TEK: variants seen among roughly 807,000 people sequenced by gnomAD.
The protein encoded by TEK is TEK receptor tyrosine kinase.
Under a neutral mutation model 131.8 loss-of-function variants are expected in TEK, and 43 were observed. The observed-to-expected ratio is 0.33, with a 90% CI of 0.26 to 0.42. The LOEUF is 0.42. Among genes scored for constraint, TEK ranks in the 10% least tolerant of loss-of-function variants. TEK has a pLI of 1.00. For missense variants in TEK, 1,162 were observed against 1,384.4 expected, an observed-to-expected ratio of 0.84 and a Z score of 2.55; for synonymous variants, 580 against 491.6, an observed-to-expected ratio of 1.18 and a Z score of -2.38.
In TEK at chr9:27,192,488, G is replaced by A. The variant is rs1380793724; in HGVS notation, c.1490-1G>A. 4 of 1,613,870 alleles carry A rather than the reference G, an allele frequency of 2.5e-6. No individual in the cohort carries two copies. Among genetic ancestry groups the A allele is most frequent in the Admixed American group, 3.3e-5 (2 of 60,002 alleles). On this transcript the variant is annotated splice_acceptor_variant, in intron 10 of 22. Coordinates refer to ENST00000380036, the MANE Select transcript of TEK (RefSeq NM_000459.5). LOFTEE classifies it high-confidence loss of function. ...GTTTCCTGGACGTTTTCTCTTCTCAGTGACAAATGAGATTGTTACACTCAA... is the reference window on the plus strand; with the variant it reads ...GTTTCCTGGACGTTTTCTCTTCTCAATGACAAATGAGATTGTTACACTCAA...
At chr9:27,149,329 A>G (rs1450769968) in intron 1 of TEK, among the ~76,000 whole-genome samples, 1 of 152,220 alleles carries the variant, frequency 6.6e-6, no homozygotes, top group Non-Finnish European at 1.5e-5. Flanking sequence ...ATCCCTAAAC[A>G]TTCCTGAATT....
Position 27,109,262 on chromosome 9 carries a change from G to A in TEK, c.-329G>A. ...AGCAGCAGCAAAAGCAGCAGCAGAA[G>A]CAACAGCAACAGATAAGTGTTTTGA... On this transcript the variant is annotated 5_prime_UTR_variant, in exon 1 of 23. Transcript: ENST00000380036. 1.9e-6 allele frequency: 1 copy of A among 522,706 alleles called. No individual in the cohort carries two copies. Among genetic ancestry groups the A allele is most frequent in the East Asian group, 3.0e-5 (1 of 33,016 alleles). The allele number at this position is 522,706 out of a possible 1,614,324, so 32.4% of individuals were successfully genotyped here.
At chr9:27,163,247 T>C (rs1304736604) in intron 2 of TEK, among the ~76,000 whole-genome samples, 1 of 152,222 alleles carries the variant, frequency 6.6e-6, no homozygotes, top group African/African-American at 2.4e-5. Flanking sequence ...GGCCCGATTC[T>C]AGAAGCCTGG....
chr9:27,197,753 A>G (rs1200631495), intron 12 of TEK, among the ~76,000 whole-genome samples, 154 bp downstream of exon 12: 2 of 152,262 alleles, frequency 1.3e-5, no homozygotes, highest in Non-Finnish European at 2.9e-5. Context: ...TCATTTTAAT[A>G]ACTTGCAATA....
chr9:27,165,321 A>AT (rs1823689581), intron 2 of TEK, among the ~76,000 whole-genome samples: 1 of 152,152 alleles, frequency 6.6e-6, no homozygotes, highest in South Asian at 2.1e-4. Context: ...AACAGCATGA[A>AT]ATGGTCAGAA....
Position 27,229,498 on chromosome 9 carries a change from A to T in TEK, c.*266A>T. On this transcript the variant is annotated 3_prime_UTR_variant, in exon 23 of 23. Coordinates refer to ENST00000380036, the MANE Select transcript of TEK (RefSeq NM_000459.5). The stretch of plus-strand genomic sequence containing the variant: ...ATATGCAATAATATATTTTTTTAAA[A>T]ATGTGGACTTCATAGGAAGGCGTGA... 1 of 488,810 alleles carries T rather than the reference A, an allele frequency of 2.0e-6. No homozygotes were observed. Among genetic ancestry groups the T allele is most frequent in the Non-Finnish European group, 3.7e-6 (1 of 269,868 alleles). 30.3% of individuals were successfully genotyped at this position (488,810 alleles called of 1,614,324 possible). A position where few individuals can be genotyped will look rare whatever the true frequency, so the allele number is the denominator to read the frequency against.
chr9:27,217,604 T>G, intron 18 of TEK, 84 bp from the exon 19 acceptor site: 2 of 1,217,844 alleles, frequency 1.6e-6, no homozygotes, highest in South Asian at 1.2e-5. Context: ...CCAGCAATCA[T>G]TTGTGGAGCC....
intron 8 of TEK, among the ~76,000 whole-genome samples, chr9:27,184,253 T>C (rs1824509489): frequency 6.6e-6 from 1 of 152,212 alleles, no homozygotes; most frequent in Non-Finnish European, 1.5e-5. Flanking sequence ...ATTTTTTGTT[T>C]AAAAGGATCA....
intron 6 of TEK, among the ~76,000 whole-genome samples, chr9:27,175,088 C>T (rs1270799966): frequency 1.0e-4 from 15 of 147,930 alleles, no homozygotes; most frequent in Admixed American, 2.0e-4. Context: ...CTGCACCCAT[C>T]AACTCGTCAT....
intron 11 of TEK, 97 bp from the exon 12 acceptor site, chr9:27,197,218 A>C: frequency 7.3e-7 from 1 of 1,371,508 alleles, no homozygotes; most frequent in African/African-American, 1.4e-5. Context: ...CACCTCCAAC[A>C]CTGGGGATTA....
chr9:27,202,770 A>C, intron 12 of TEK, 50 bp from the exon 13 acceptor site: 23 of 1,544,164 alleles, frequency 1.5e-5, no homozygotes, highest in Non-Finnish European at 1.8e-5. Flanking sequence ...ATAATGATCT[A>C]GGCCATGGTA....
chr9:27,148,808 A>G (rs1367864061), intron 1 of TEK, among the ~76,000 whole-genome samples: 1 of 152,196 alleles, frequency 6.6e-6, no homozygotes, highest in Non-Finnish European at 1.5e-5. Flanking sequence ...TTTATATGTT[A>G]TACATATTAA....
At position 27,185,156 on chromosome 9, in the gene TEK, A is replaced by G. The variant is rs189582414; in HGVS notation, c.1183-329A>G. Among the ~76,000 whole-genome samples, 4 of 152,260 alleles carry G rather than the reference A, an allele frequency of 2.6e-5. No homozygotes were observed. In the East Asian group the frequency reaches 5.8e-4, roughly 22 times the overall value. ...AGTCACTTTGTCCTCCCACGCAGCCATCTCTGTGTTAGATAGGAAAGGAAC... is the reference window on the plus strand; with the variant it reads ...AGTCACTTTGTCCTCCCACGCAGCCGTCTCTGTGTTAGATAGGAAAGGAAC... On this transcript the variant is annotated intron_variant, in intron 8 of 22. Transcript: ENST00000380036.
intron 6 of TEK, among the ~76,000 whole-genome samples, chr9:27,176,421 G>A (rs1001389029): frequency 6.6e-6 from 1 of 152,132 alleles, no homozygotes; most frequent in Non-Finnish European, 1.5e-5. Flanking sequence ...GATATTTTAA[G>A]GTCTTCTGCC....
intron 19 of TEK, among the ~76,000 whole-genome samples, chr9:27,218,140 C>G (rs1036454471): frequency 8.4e-6 from 1 of 118,628 alleles, no homozygotes; most frequent in Admixed American, 8.9e-5. Flanking sequence ...TGGCGGGGGT[C>G]GTCTCTGCTT....
chr9:27,110,656 A>G (rs1181756518), intron 1 of TEK, among the ~76,000 whole-genome samples: 11 of 152,220 alleles, frequency 7.2e-5, no homozygotes, highest in Non-Finnish European at 1.3e-4. Flanking sequence ...AGTATCTGCT[A>G]TATTTTCTAG....
chr9:27,216,688 G>A (rs1177460925), intron 18 of TEK, among the ~76,000 whole-genome samples: 1 of 152,168 alleles, frequency 6.6e-6, no homozygotes, highest in Non-Finnish European at 1.5e-5. Context: ...ACAAAGAACT[G>A]GGAGACAATT....
At chr9:27,182,937 CTCTTAGTTA>C (rs1373194878) in intron 7 of TEK, among the ~76,000 whole-genome samples, 1 of 152,178 alleles carries the variant, frequency 6.6e-6, no homozygotes, top group Non-Finnish European at 1.5e-5. Flanking sequence ...TCACCTTTTC[CTCTTAGTTA>C]TCTGCTATTT....
intron 20 of TEK, 137 bp from the exon 21 acceptor site, chr9:27,219,912 A>T: frequency 2.3e-6 from 2 of 857,510 alleles, no homozygotes. Flanking sequence ...TGAGTTTGCC[A>T]AGGGAGGCAT....
Sources: gnomAD v4.1 joint callset for allele counts (sites outside exome capture counted in the v4.1 genomes callset) on GRCh38, gnomAD v4.1.1 for gene constraint, MANE v1.5 for transcripts, NCBI Gene and HGNC (gene_info 2026-07-23, HGNC 2026-07-21) for gene names.